The following STRN4 variants were observed in gnomAD, a reference collection of about 807,000 sequenced individuals.
The protein encoded by STRN4 is striatin 4, also known as striatin-4.
A neutral mutation model predicts 77.9 loss-of-function variants in STRN4; 27 were observed. The ratio of observed to expected loss-of-function variants is 0.35; its 90% CI spans 0.26 to 0.48. The LOEUF (loss-of-function observed/expected upper bound fraction) is 0.48, where lower values mean the gene tolerates loss of function less well. Ranked by LOEUF, STRN4 falls within the 20% of genes least tolerant of loss-of-function variation. The pLI is 0.99. For synonymous variants in STRN4, 466 were observed against 443.1 expected, an observed-to-expected ratio of 1.05 and a Z score of -0.65; for missense variants, 798 against 1,049.7, an observed-to-expected ratio of 0.76 and a Z score of 3.31.
At chr19:46,724,769 A>G (rs2054068033) in intron 12 of STRN4, 38 bp downstream of exon 12, 8 of 1,613,490 alleles carry the variant, frequency 5.0e-6, no homozygotes, top group Non-Finnish European at 6.8e-6. Flanking sequence ...GCCAGGCCCC[A>G]GTGGATGTGA....
chr19:46,738,259 G>A lies in STRN4; in HGVS notation c.387-22C>T, dbSNP rs1315409907. On this transcript the variant is annotated intron_variant, in intron 2 of 17. Coordinates refer to ENST00000263280, the MANE Select transcript of STRN4 (RefSeq NM_013403.3). The surrounding 1 kb of genome is among the most constrained non-coding windows in gnomAD (Gnocchi z 4.5). ...GGCCCTAAAAGAGCAAATGATTAAT[G>A]AATAAGAGATGCGGGAGAGTAGACA... 2 of 1,607,744 alleles carry A rather than the reference G, an allele frequency of 1.2e-6. No individual in the cohort carries two copies. The highest frequency in any genetic ancestry group is 2.2e-5 in the South Asian group (2 of 90,960).
intron 4 of STRN4, among the ~76,000 whole-genome samples, chr19:46,734,862 T>C (rs2054327149): frequency 6.6e-6 from 1 of 152,062 alleles, no homozygotes; most frequent in African/African-American, 2.4e-5. Context: ...GACGGGGTTT[T>C]GCCGTGTTAG....
At chr19:46,742,340 C>T (rs1283926437) in intron 1 of STRN4, among the ~76,000 whole-genome samples, 8 of 152,014 alleles carry the variant, frequency 5.3e-5, no homozygotes, top group African/African-American at 1.7e-4. Context: ...CAGGGTCGCA[C>T]GGCAGGTCTT....
intron 6 of STRN4, 55 bp downstream of exon 6, chr19:46,730,677 C>A: frequency 6.3e-7 from 1 of 1,594,746 alleles, no homozygotes; most frequent in East Asian, 2.2e-5. Flanking sequence ...CTCGGAAGGG[C>A]TTCGATCAGG....
Position 46,720,759 on chromosome 19 carries a change from G to A in STRN4, c.2105C>T (p.Ser702Phe). The A allele has an allele frequency of 6.3e-7, 1 of 1,597,188 alleles. No homozygotes were observed. The highest frequency in any genetic ancestry group is 8.5e-7 in the Non-Finnish European group (1 of 1,170,016). ...AFLMSGSHDC[S>F]LRLWSLDNKT... ...GTTGTCCAGGCTCCAGAGACGCAGG[G>A]AGCAGTCATGGCCTGCACATGTGTC... Residue 702 changes from serine (S) to phenylalanine (F), a missense_variant, in exon 17 of 18, where the codon TCC becomes TTC. Physicochemically the swap from Ser to Phe is radical, Grantham distance 155. Around this residue, in one of 2 missense-constraint regions of STRN4, gnomAD observed 287 missense variants for 473.8 expected, o/e 0.61. Coordinates refer to ENST00000263280, the MANE Select transcript of STRN4 (RefSeq NM_013403.3).
chr19:46,735,405 G>A (rs1404764358), intron 4 of STRN4, among the ~76,000 whole-genome samples: 1 of 152,206 alleles, frequency 6.6e-6, no homozygotes, highest in Non-Finnish European at 1.5e-5. Flanking sequence ...GGCTGAGGCA[G>A]GAGATCACTT....
intron 5 of STRN4, among the ~76,000 whole-genome samples, chr19:46,731,169 T>C (rs563216763): frequency 1.3e-5 from 2 of 152,336 alleles, no homozygotes; most frequent in East Asian, 3.9e-4. Context: ...CATCCTGTGC[T>C]GAGTCAGAAG....
chr19:46,738,047 G>A lies in STRN4; in HGVS notation c.460+117C>T. On this transcript the variant is annotated intron_variant, in intron 3 of 17. Coordinates refer to ENST00000263280, the MANE Select transcript of STRN4 (RefSeq NM_013403.3). The surrounding 1 kb of genome is among the most constrained non-coding windows in gnomAD (Gnocchi z 4.5). ...GATTCCGCCCCTCCCCAGCCCCGGG[G>A]CCGATTCTGCCTTCTAAGGAGCAAA... is the stretch of plus-strand genomic sequence containing the variant. 9.4e-7 allele frequency: 1 copy of A among 1,065,740 alleles called. No homozygotes were observed. Among genetic ancestry groups the A allele is most frequent in the South Asian group, 1.3e-5 (1 of 78,494 alleles). The allele number at this position is 1,065,740 out of a possible 1,614,324, so 66.0% of individuals were successfully genotyped here.
intron 1 of STRN4, among the ~76,000 whole-genome samples, chr19:46,740,934 G>C (rs1220667806): frequency 6.6e-6 from 1 of 152,218 alleles, no homozygotes; most frequent in Non-Finnish European, 1.5e-5. Flanking sequence ...CCTGCTGGCA[G>C]AGGACGGAGA....
chr19:46,728,820 C>T (rs1440475394), intron 6 of STRN4, 43 bp from the exon 7 acceptor site: 4 of 1,608,220 alleles, frequency 2.5e-6, no homozygotes, highest in Non-Finnish European at 3.4e-6. Flanking sequence ...GGCCTCTTGT[C>T]CAGAGACTAA....
chr19:46,746,225 A>C lies in STRN4; in HGVS notation c.206T>G (p.Leu69Arg). The change falls in exon 1 of 18, where the codon CTG (leucine) becomes CGG (arginine). Residue 69 changes from leucine (L) to arginine (R), a missense_variant. Coordinates refer to ENST00000263280, the MANE Select transcript of STRN4 (RefSeq NM_013403.3). ...CGCCCACTCGTGCTGGATAAAGTGC[A>C]GGATCCCCGGCAGGCTCAGGGGCTC... ...GPEPLSLPGI[L>R]HFIQHEWARF... is the part of the protein sequence containing the mutation. 6.5e-7 allele frequency: 1 copy of C among 1,532,368 alleles called. No homozygotes were observed. The highest frequency in any genetic ancestry group is 1.2e-5 in the South Asian group (1 of 84,302). The allele number at this position is 1,532,368 out of a possible 1,614,324, so 94.9% of individuals were successfully genotyped here.
chr19:46,728,030 C>T (rs188303470), intron 7 of STRN4, 23 bp from the exon 8 acceptor site: 21 of 1,606,666 alleles, frequency 1.3e-5, no homozygotes, highest in African/African-American at 1.1e-4. Flanking sequence ...GGCATAGGGC[C>T]GGAGTCACCC....
chr19:46,743,765 T>C (rs548010523), intron 1 of STRN4, among the ~76,000 whole-genome samples: 1 of 152,080 alleles, frequency 6.6e-6, no homozygotes, highest in African/African-American at 2.4e-5. Context: ...CCAGGCGTGG[T>C]GGTGGTGCAC....
At chr19:46,727,636 A>T in intron 8 of STRN4, 90 bp from the exon 9 acceptor site, 1 of 1,053,702 alleles carries the variant, frequency 9.5e-7, no homozygotes, top group Non-Finnish European at 1.4e-6. Flanking sequence ...AGAGGCAGAG[A>T]AAGAGATAAA....
chr19:46,738,178 T>C lies in STRN4; in HGVS notation c.446A>G (p.Asp149Gly), dbSNP rs753070367. ...AGGGTGGGTACCTTGTTCTGACACATCTGCTTTCTTCTCCCCCTGGTTCAG... is the reference window on the plus strand; with the variant it reads ...AGGGTGGGTACCTTGTTCTGACACACCTGCTTTCTTCTCCCCCTGGTTCAG... The part of the protein sequence containing the change: ...TDLNQGEKKA[D>G]VSEQVSNGPV... Residue 149 changes from aspartate (D) to glycine (G), a missense_variant, in exon 3 of 18, where the codon GAT becomes GGT. Transcript: ENST00000263280. This position sits in a 1 kb window ranked among gnomAD's most constrained non-coding sequence, Gnocchi z 4.5. 8 of 1,614,178 alleles carry C rather than the reference T, an allele frequency of 5.0e-6. No individual in the cohort carries two copies. The highest frequency in any genetic ancestry group is 4.4e-5 in the South Asian group (4 of 91,088).
intron 11 of STRN4, 109 bp downstream of exon 11, chr19:46,725,223 C>A: frequency 1.4e-6 from 2 of 1,480,000 alleles, no homozygotes; most frequent in Admixed American, 3.5e-5. Flanking sequence ...ACTCAGAGCC[C>A]CCTGCTGTCC....
At chr19:46,727,136 C>CT (rs3215087) in intron 9 of STRN4, among the ~76,000 whole-genome samples, 28,742 of 152,232 alleles carry the variant, frequency 0.19, 3,025 homozygotes, top group Non-Finnish European at 0.24. Context: ...CATTTCAGCC[C>CT]AGCTGCCCAT....
chr19:46,722,195 C>CAGAG (rs1389491746), intron 15 of STRN4, 47 bp downstream of exon 15: 1 of 1,602,346 alleles, frequency 6.2e-7, no homozygotes, highest in African/African-American at 1.3e-5. Context: ...CTGCTGCCTG[C>CAGAG]CTCTGGCCCT....
Position 46,720,630 on chromosome 19 carries a change from G to C in STRN4, c.2234C>G (p.Ala745Gly), listed in dbSNP as rs780809899. 7 of 1,604,132 alleles carry C rather than the reference G, an allele frequency of 4.4e-6. No individual in the cohort carries two copies. ...TACGAAGACCTTGGCCAGGGCATCA[G>C]CGCCAGCACTGGCAATGAGGGCCTT... ...PSKALIASAG[A>G]DALAKVFV The change falls in exon 17 of 18, where the codon GCT becomes GGT. Residue 745 changes from alanine (A) to glycine (G), a missense_variant. Transcript: ENST00000263280.
Sources: allele counts gnomAD v4.1 joint callset (sites outside exome capture counted in the v4.1 genomes callset), GRCh38; gene constraint gnomAD v4.1.1; regional missense constraint gnomAD v4.1.1; non-coding constraint Gnocchi (gnomAD v3.1); transcripts MANE v1.5; gene names NCBI Gene and HGNC (gene_info 2026-07-23, HGNC 2026-07-21).